The following RMND5A variants were observed in gnomAD, a reference collection of about 807,000 sequenced individuals.
RMND5A encodes the protein required for meiotic nuclear division 5 homolog A.
Under a neutral mutation model 49.7 loss-of-function variants are expected in RMND5A, and 17 were observed. That is an observed-to-expected ratio of 0.34 (90% CI 0.23 to 0.51). The LOEUF is 0.51. RMND5A is among the 20% of genes least tolerant of loss of function. The pLI, the probability that RMND5A is intolerant of heterozygous loss-of-function variation, is 0.96. For missense variants in RMND5A, 255 were observed against 471.3 expected (o/e 0.54, Z 4.25); for synonymous variants, 156 against 167.7 (o/e 0.93, Z 0.54).
Position 86,777,079 on chromosome 2 carries a change from G to A in RMND5A, c.*3668G>A, listed in dbSNP as rs1313986530. 2.0e-5 allele frequency: 3 copies of A among 152,196 alleles called. No individual in the cohort carries two copies. The highest frequency in any genetic ancestry group is 4.4e-5 in the Non-Finnish European group (3 of 68,040). The allele number at this position is 152,196 out of a possible 1,614,324, so 9.4% of individuals were successfully genotyped here. A position where few individuals can be genotyped will look rare whatever the true frequency, so the allele number is the denominator to read the frequency against. On this transcript the variant is annotated 3_prime_UTR_variant, in exon 9 of 9. Transcript: ENST00000283632. The stretch of plus-strand genomic sequence containing the variant: ...TTAATAGCAGATGAGGCAGTTTTAG[G>A]ATGAATTTTCCACTGTTGATTTTAC...
In RMND5A at chr2:86,720,711, T is replaced by C; in HGVS notation, c.44T>C (p.Leu15Pro). The C allele has an allele frequency of 1.3e-6, 2 of 1,582,610 alleles. No individual in the cohort carries two copies. Among genetic ancestry groups the C allele is most frequent in the Non-Finnish European group, 1.7e-6 (2 of 1,165,932 alleles). Residue 15 changes from leucine (L) to proline (P), a missense_variant, in exon 1 of 9, where the codon CTG (leucine) becomes CCG (proline). Around this residue, in one of 3 missense-constraint regions of RMND5A, gnomAD observed 42 missense variants for 59.9 expected, o/e 0.70. Coordinates refer to ENST00000283632, the MANE Select transcript of RMND5A (RefSeq NM_022780.4). ...VTVERELEKV[L>P]HKFSGYGQLC... is the part of the protein sequence containing the mutation. ...GTGGAGCGCGAGCTGGAGAAGGTGC[T>C]GCACAAGTTCTCAGGCTACGGGCAG...
intron 8 of RMND5A, 46 bp downstream of exon 8, chr2:86,771,758 T>C (rs1672689082): frequency 2.0e-6 from 3 of 1,515,802 alleles, no homozygotes; most frequent in Non-Finnish European, 2.7e-6. Flanking sequence ...AATTTTGTTT[T>C]GGAACTTGGT....
At position 86,777,630 on chromosome 2, in the gene RMND5A, T is replaced by G. The variant is rs1672791158; in HGVS notation, c.*4219T>G. ...CCCGTGCTCTTGGGTTCTATAGTAT[T>G]TCTATAATTATGTAACGAGAATAGT... On this transcript the variant is annotated 3_prime_UTR_variant, in exon 9 of 9. Transcript: ENST00000283632. 1 of 152,218 alleles carries G rather than the reference T, an allele frequency of 6.6e-6. No individual in the cohort carries two copies. Among genetic ancestry groups the G allele is most frequent in the Admixed American group, 6.5e-5 (1 of 15,286 alleles). 9.4% of individuals were successfully genotyped at this position (152,218 alleles called of 1,614,324 possible).
chr2:86,762,353 T>C (rs1672508348), intron 4 of RMND5A, among the ~76,000 whole-genome samples: 1 of 152,154 alleles, frequency 6.6e-6, no homozygotes, highest in South Asian at 2.1e-4. Flanking sequence ...AAAAAATGTA[T>C]CACTCTTTTG....
At chr2:86,744,376 C>T (rs1681501209) in intron 2 of RMND5A, among the ~76,000 whole-genome samples, 1 of 152,130 alleles carries the variant, frequency 6.6e-6, no homozygotes, top group South Asian at 2.1e-4. Flanking sequence ...AAAGCTGAAT[C>T]CAGTGTGGCA....
intron 2 of RMND5A, chr2:86,748,607 G>GT (rs1343792378): frequency 1.3e-5 from 2 of 152,208 alleles, no homozygotes; most frequent in East Asian, 3.9e-4. Context: ...AAAGAAAATT[G>GT]TTTAAATATT....
chr2:86,771,770 G>A (rs1672689285), intron 8 of RMND5A, 58 bp downstream of exon 8: 3 of 1,430,964 alleles, frequency 2.1e-6, no homozygotes, highest in Non-Finnish European at 2.9e-6. Context: ...GAACTTGGTA[G>A]GAGGATAAGA....
chr2:86,737,614 G>A (rs1428290181), intron 1 of RMND5A, among the ~76,000 whole-genome samples: 3 of 115,688 alleles, frequency 2.6e-5, no homozygotes, highest in South Asian at 2.5e-4. Flanking sequence ...TCACAAATTT[G>A]TATCTCCAGC....
At position 86,720,770 on chromosome 2, in the gene RMND5A, T is replaced by C. The variant is rs766156069; in HGVS notation, c.103T>C (p.Tyr35His). 4 of 1,595,792 alleles carry C rather than the reference T, an allele frequency of 2.5e-6. No homozygotes were observed. The highest frequency in any genetic ancestry group is 3.4e-6 in the Non-Finnish European group (4 of 1,172,072). ...CERGLEELID[Y>H]TGGLKHEILQ... ...GCGCGGCCTGGAGGAGCTCATCGAC[T>C]ACACCGGCGGCCTCAAGCACGAGAT... The change falls in exon 1 of 9, where the codon TAC becomes CAC. Residue 35 changes from tyrosine (Y) to histidine (H), a missense_variant. By Grantham distance (83) the Tyr-to-His change is moderately conservative (BLOSUM62 2). Transcript: ENST00000283632.
intron 2 of RMND5A, among the ~76,000 whole-genome samples, chr2:86,747,807 ATGATACGGCC>A (rs922971248): frequency 5.3e-5 from 8 of 152,206 alleles, no homozygotes; most frequent in South Asian, 2.1e-4. Context: ...ATGATACGGC[ATGATACGGCC>A]TGTTTAGATC....
intron 6 of RMND5A, among the ~76,000 whole-genome samples, 180 bp from the exon 7 acceptor site, chr2:86,769,843 A>G (rs1573447058): frequency 6.6e-6 from 1 of 152,294 alleles, no homozygotes; most frequent in Non-Finnish European, 1.5e-5. Context: ...AGGGGAGGGA[A>G]AACAAGTTAT....
At position 86,770,005 on chromosome 2, in the gene RMND5A, C is replaced by T; in HGVS notation, c.855-18C>T. The stretch of plus-strand genomic sequence containing the variant: ...GACCCCTGGCCTGGCACTGACGTTT[C>T]CTCTTCTGCTCTCCCAGTTTCTCAG... On this transcript the variant is annotated intron_variant, in intron 6 of 8. Coordinates refer to ENST00000283632, the MANE Select transcript of RMND5A (RefSeq NM_022780.4). 1.9e-6 allele frequency: 3 copies of T among 1,602,766 alleles called. No individual in the cohort carries two copies. The highest frequency in any genetic ancestry group is 2.6e-6 in the Non-Finnish European group (3 of 1,169,994).
chr2:86,752,126 G>C, intron 3 of RMND5A, 96 bp downstream of exon 3: 11 of 1,035,862 alleles, frequency 1.1e-5, no homozygotes, highest in Non-Finnish European at 1.5e-5. Context: ...TCTTCCTCTA[G>C]CTATAGATAG....
intron 4 of RMND5A, among the ~76,000 whole-genome samples, chr2:86,763,361 T>C (rs141780745): frequency 6.6e-6 from 1 of 152,314 alleles, no homozygotes; most frequent in Non-Finnish European, 1.5e-5. Flanking sequence ...AGTGATCTAA[T>C]TTAAATGCAC....
chr2:86,771,243 C>T, intron 7 of RMND5A: 1 of 227,306 alleles, frequency 4.4e-6, no homozygotes, highest in Non-Finnish European at 8.6e-6. Context: ...CTGACATGCA[C>T]TAAGAGCAGA....
At chr2:86,752,386 GTTC>G (rs1681651880) in intron 3 of RMND5A, among the ~76,000 whole-genome samples, 1 of 152,182 alleles carries the variant, frequency 6.6e-6, no homozygotes, top group South Asian at 2.1e-4. Flanking sequence ...ATTGATGTTT[GTTC>G]TTCTGTTCTA....
intron 4 of RMND5A, among the ~76,000 whole-genome samples, chr2:86,757,294 C>T (rs1225898805): frequency 6.6e-6 from 1 of 150,914 alleles, no homozygotes; most frequent in Non-Finnish European, 1.5e-5. Context: ...TTACATAGAT[C>T]TAATCAGGAC....
rs192769044 is a variant in RMND5A at position 86,751,773 on chromosome 2, A to G, written c.286-123A>G. 5.0e-4 allele frequency: 392 copies of G among 782,644 alleles called. 3 individuals are homozygous for G. In the East Asian group the frequency reaches 0.011, roughly 22 times the overall value. The allele number at this position is 782,644 out of a possible 1,614,324, so 48.5% of individuals were successfully genotyped here. On this transcript the variant is annotated intron_variant, in intron 2 of 8. Coordinates refer to ENST00000283632, the MANE Select transcript of RMND5A (RefSeq NM_022780.4). ...CAGTGGAAAAATTCCTTCCTTTGGGACGCTATAAATTGCAGTTGGGTTCTT... is the reference window on the plus strand; with the variant it reads ...CAGTGGAAAAATTCCTTCCTTTGGGGCGCTATAAATTGCAGTTGGGTTCTT...
intron 2 of RMND5A, among the ~76,000 whole-genome samples, chr2:86,743,322 TC>T (rs1453425470): frequency 6.6e-6 from 1 of 152,102 alleles, no homozygotes; most frequent in Non-Finnish European, 1.5e-5. Flanking sequence ...TGGTAAAGAT[TC>T]CTAATCACAT....
Sources: allele counts gnomAD v4.1 joint callset (sites outside exome capture counted in the v4.1 genomes callset), GRCh38; gene constraint gnomAD v4.1.1; regional missense constraint gnomAD v4.1.1; transcripts MANE v1.5; gene names NCBI Gene and HGNC (gene_info 2026-07-23, HGNC 2026-07-21).